The following CATSPERB variants were observed in gnomAD, a reference collection of about 807,000 sequenced individuals.
CATSPERB encodes cation channel sperm-associated auxiliary subunit beta.
CATSPERB carries 93 observed loss-of-function variants against 128.3 expected under a neutral mutation model. The ratio of observed to expected loss-of-function variants is 0.72; its 90% confidence interval spans 0.61 to 0.86. The LOEUF (loss-of-function observed/expected upper bound fraction) is 0.86, where lower values mean the gene tolerates loss of function less well. Among genes scored for constraint, CATSPERB ranks in the 40% least tolerant of loss-of-function variants. The probability of loss-of-function intolerance (pLI) is 0.00; values close to 1 mark genes in which losing one functional copy is unlikely to be tolerated. For missense variants in CATSPERB, 1,153 were observed against 1,329.5 expected, an observed-to-expected ratio of 0.87 and a Z score of 2.06; for synonymous variants, 381 against 448.8, an observed-to-expected ratio of 0.85 and a Z score of 1.91.
At chr14:91,626,937 A>G (rs1311457321) in intron 17 of CATSPERB, among the ~76,000 whole-genome samples, 1 of 152,252 alleles carries the variant, frequency 6.6e-6, no homozygotes, top group East Asian at 1.9e-4. Context: ...AAGTAAAACC[A>G]TTAAGTAATT....
At chr14:91,695,257 G>A (rs1190788542) in intron 7 of CATSPERB, among the ~76,000 whole-genome samples, 1 of 151,740 alleles carries the variant, frequency 6.6e-6, no homozygotes, top group Non-Finnish European at 1.5e-5. Flanking sequence ...ATCCTCCTGA[G>A]TAGCTGGGAT....
intron 20 of CATSPERB, among the ~76,000 whole-genome samples, chr14:91,617,220 A>G (rs1893956089): frequency 6.6e-6 from 1 of 152,200 alleles, no homozygotes; most frequent in African/African-American, 2.4e-5. Flanking sequence ...AAAATTATAA[A>G]TTGAACCTAT....
At chr14:91,588,408 GC>G (rs1893341433) in intron 24 of CATSPERB, among the ~76,000 whole-genome samples, 3 of 152,050 alleles carry the variant, frequency 2.0e-5, no homozygotes, top group African/African-American at 7.2e-5. Context: ...TTTCCTTCCA[GC>G]CCCATGCTCA....
In CATSPERB at chr14:91,702,558, T is replaced by G. The variant is rs116867230; in HGVS notation, c.616+1994A>C. ...TTATAATAAGTCATGCTAGGACAAA[T>G]TTTTGTTTTGTTTTTTTTCTCTAAA... On this transcript the variant is annotated intron_variant, in intron 7 of 26. Coordinates refer to ENST00000256343, the MANE Select transcript of CATSPERB (RefSeq NM_024764.4). Among the ~76,000 whole-genome samples, 1,279 of 151,788 alleles carry G rather than the reference T, an allele frequency of 8.4e-3. 9 individuals carry two copies. Among genetic ancestry groups the G allele is most frequent in the Middle Eastern group, 0.058 (17 of 294 alleles).
intron 10 of CATSPERB, among the ~76,000 whole-genome samples, chr14:91,690,826 C>A (rs192822433): frequency 2.0e-5 from 3 of 152,338 alleles, no homozygotes; most frequent in Admixed American, 1.3e-4. Context: ...CAGTGCCTGG[C>A]GAGGGCCACC....
At chr14:91,675,644 G>T (rs1895180231) in intron 11 of CATSPERB, among the ~76,000 whole-genome samples, 1 of 152,204 alleles carries the variant, frequency 6.6e-6, no homozygotes, top group African/African-American at 2.4e-5. Flanking sequence ...TGGGGAATCA[G>T]CCTGGGAGTG....
rs143617903 is a variant in CATSPERB, at chr14:91,721,470, A to G, written c.309+1579T>C. Among the ~76,000 whole-genome samples, 790 of 152,340 alleles carry G rather than the reference A, an allele frequency of 5.2e-3. 7 individuals carry two copies. The highest frequency in any genetic ancestry group is 0.018 in the African/African-American group (738 of 41,578). On this transcript the variant is annotated intron_variant, in intron 4 of 26. Transcript: ENST00000256343. ...GGGACTAATAAGTACATGAAAAGAT[A>G]CTCAACATCATTAGTCATTTGGGAA...
Position 91,704,678 on chromosome 14 carries a change from C to T in CATSPERB, c.490G>A (p.Gly164Arg). Residue 164 changes from glycine (G) to arginine (R), a missense_variant, in exon 7 of 27, where the codon GGG becomes AGG. Transcript: ENST00000256343. The part of the protein sequence containing the change: ...IREPILQWTP[G>R]DVIPESEISK... ...ATTTCACTTTCTGGAATCACATCCC[C>T]AGGAGTCCACTGAAGAATCGGTTCT... is the stretch of plus-strand genomic sequence containing the variant. 1 of 1,613,662 alleles carries T rather than the reference C, an allele frequency of 6.2e-7. No individual in the cohort carries two copies. The highest frequency in any genetic ancestry group is 2.2e-5 in the East Asian group (1 of 44,866).
rs76187504 is a variant in CATSPERB at position 91,727,433 on chromosome 14, C to T, written c.79+1968G>A. Among the ~76,000 whole-genome samples the T allele has an allele frequency of 3.0e-3, 456 of 152,224 alleles. 17 individuals carry two copies. The East Asian group carries it at 0.074, about 25-fold the overall frequency. ...AAAATAAATTTAATTTATAATTGAACGTTACTCATTCTGTTTGTATAATGT... is the reference window on the plus strand; with the variant it reads ...AAAATAAATTTAATTTATAATTGAATGTTACTCATTCTGTTTGTATAATGT... On this transcript the variant is annotated intron_variant, in intron 2 of 26. Transcript: ENST00000256343.
chr14:91,625,431 T>C (rs556068427), intron 17 of CATSPERB, among the ~76,000 whole-genome samples: 2 of 152,286 alleles, frequency 1.3e-5, no homozygotes, highest in Admixed American at 6.5e-5. Flanking sequence ...AAGCTTTCTA[T>C]ACAAATATAT....
At chr14:91,603,532 G>T in intron 22 of CATSPERB, 1 of 821,362 alleles carries the variant, frequency 1.2e-6, no homozygotes, top group Non-Finnish European at 2.1e-6. Flanking sequence ...CAAGGAAGGG[G>T]TGCAGGCAGA....
chr14:91,667,666 A>C (rs1270224196), intron 14 of CATSPERB, among the ~76,000 whole-genome samples: 1 of 152,164 alleles, frequency 6.6e-6, no homozygotes, highest in African/African-American at 2.4e-5. Context: ...CAAGGCCTAG[A>C]CCTCCTCACT....
At chr14:91,683,773 A>T in intron 11 of CATSPERB, 104 bp downstream of exon 11, 6 of 683,772 alleles carry the variant, frequency 8.8e-6, no homozygotes, top group Non-Finnish European at 1.4e-5. Context: ...CCCAGCCTAA[A>T]GTTTGGAATG....
At chr14:91,687,500 A>G (rs1895395311) in intron 10 of CATSPERB, among the ~76,000 whole-genome samples, 1 of 152,200 alleles carries the variant, frequency 6.6e-6, no homozygotes, top group Non-Finnish European at 1.5e-5. Context: ...TCTATGAACC[A>G]GGAAGGCAGC....
At chr14:91,612,118 G>A (rs142270864) in intron 20 of CATSPERB, among the ~76,000 whole-genome samples, 244 of 150,050 alleles carry the variant, frequency 1.6e-3, no homozygotes, top group African/African-American at 5.8e-3. Context: ...GGAGTACAGT[G>A]GCACTATTAT....
chr14:91,731,093 G>T (rs1896202310), intron 1 of CATSPERB, among the ~76,000 whole-genome samples: 1 of 152,132 alleles, frequency 6.6e-6, no homozygotes, highest in Admixed American at 6.6e-5. Flanking sequence ...ATATCACTTT[G>T]CTAAACATTC....
At chr14:91,644,463 C>T (rs1310545973) in intron 15 of CATSPERB, among the ~76,000 whole-genome samples, 1 of 146,638 alleles carries the variant, frequency 6.8e-6, no homozygotes, top group Non-Finnish European at 1.5e-5. Flanking sequence ...TTCTCCTTCA[C>T]TTATGAAACT....
intron 22 of CATSPERB, 95 bp downstream of exon 22, chr14:91,608,199 C>T (rs1893749078): frequency 4.1e-6 from 3 of 732,912 alleles, no homozygotes; most frequent in Non-Finnish European, 7.0e-6. Flanking sequence ...ACAGCTTCAC[C>T]TTCTCATTTA....
chr14:91,598,580 C>T (rs994712612), intron 22 of CATSPERB, among the ~76,000 whole-genome samples: 13 of 152,150 alleles, frequency 8.5e-5, no homozygotes, highest in African/African-American at 2.2e-4. Flanking sequence ...TTTGACTGGC[C>T]GGGCGTGGTG....
Sources: gnomAD v4.1 joint callset for allele counts (sites outside exome capture counted in the v4.1 genomes callset) on GRCh38, gnomAD v4.1.1 for gene constraint, MANE v1.5 for transcripts, NCBI Gene and HGNC (gene_info 2026-07-23, HGNC 2026-07-21) for gene names.